Variants in NOS1AP observed in about 807,000 individuals in gnomAD.
NOS1AP encodes the protein carboxyl-terminal PDZ ligand of neuronal nitric oxide synthase protein.
In NOS1AP, 21 loss-of-function variants were observed where a neutral mutation model predicts 56.2. The ratio of observed to expected loss-of-function variants is 0.37; its 90% CI spans 0.26 to 0.54. The LOEUF is 0.54. Ranked by LOEUF, NOS1AP falls within the 20% of genes least tolerant of loss-of-function variation. The pLI is 0.84. For missense variants in NOS1AP, 522 were observed against 657.8 expected (o/e 0.79, Z 2.26); for synonymous variants, 270 against 274.6 (o/e 0.98, Z 0.17).
intron 2 of NOS1AP, among the ~76,000 whole-genome samples, chr1:162,265,011 C>T (rs559149919): frequency 2.3e-3 from 355 of 151,676 alleles, no homozygotes; most frequent in African/African-American, 8.2e-3. Context: ...GACGGGGTTT[C>T]ACCATATTGA....
intron 2 of NOS1AP, among the ~76,000 whole-genome samples, chr1:162,238,020 A>T (rs1489562486): frequency 6.6e-6 from 1 of 152,166 alleles, no homozygotes; most frequent in East Asian, 1.9e-4. Context: ...GGCCCCAGTC[A>T]TCATGAGCCA....
chr1:162,340,782 G>T (rs1657085139), intron 5 of NOS1AP, among the ~76,000 whole-genome samples: 1 of 152,180 alleles, frequency 6.6e-6, no homozygotes, highest in South Asian at 2.1e-4. Context: ...GTAGAGGTTA[G>T]GGTCAGCTGC....
intron 2 of NOS1AP, among the ~76,000 whole-genome samples, chr1:162,213,844 T>G (rs1283521111): frequency 1.3e-5 from 2 of 152,264 alleles, no homozygotes; most frequent in Non-Finnish European, 2.9e-5. Context: ...CCTGTTGCAA[T>G]GAAGCTTGGT....
At chr1:162,141,615 T>G (rs1013710383) in intron 1 of NOS1AP, among the ~76,000 whole-genome samples, 2 of 152,248 alleles carry the variant, frequency 1.3e-5, no homozygotes, top group Admixed American at 1.3e-4. Flanking sequence ...CTGATCGCCC[T>G]TGTGTACTCT....
chr1:162,279,796 C>G (rs1398986329), intron 2 of NOS1AP, among the ~76,000 whole-genome samples: 1 of 152,144 alleles, frequency 6.6e-6, no homozygotes, highest in Non-Finnish European at 1.5e-5. Context: ...TTTCCTGGAG[C>G]CATGATTCTG....
At chr1:162,080,961 A>AC (rs1327811305) in intron 1 of NOS1AP, among the ~76,000 whole-genome samples, 2 of 152,188 alleles carry the variant, frequency 1.3e-5, no homozygotes. Flanking sequence ...GAGGCAGAGT[A>AC]ACTTGCTCAT....
chr1:162,252,390 G>A (rs1653894478), intron 2 of NOS1AP, among the ~76,000 whole-genome samples: 1 of 152,152 alleles, frequency 6.6e-6, no homozygotes, highest in Non-Finnish European at 1.5e-5. Context: ...ATTGGTGGAA[G>A]GAAAGGGGAG....
At chr1:162,108,159 G>A (rs1344149604) in intron 1 of NOS1AP, among the ~76,000 whole-genome samples, 2 of 152,102 alleles carry the variant, frequency 1.3e-5, no homozygotes, top group African/African-American at 2.4e-5. Context: ...AAATAACCAG[G>A]GCTCTTTGAA....
intron 2 of NOS1AP, among the ~76,000 whole-genome samples, chr1:162,158,775 A>G (rs1306090193): frequency 6.6e-6 from 1 of 152,136 alleles, no homozygotes; most frequent in Non-Finnish European, 1.5e-5. Flanking sequence ...CCCAGACAAG[A>G]AGGAAGCTTA....
intron 2 of NOS1AP, among the ~76,000 whole-genome samples, chr1:162,210,579 T>A (rs1217844754): frequency 6.6e-6 from 1 of 152,212 alleles, no homozygotes; most frequent in Non-Finnish European, 1.5e-5. Context: ...TGACAGCATT[T>A]TATAGGCTCC....
At chr1:162,254,171 C>T (rs531523073) in intron 2 of NOS1AP, among the ~76,000 whole-genome samples, 2 of 152,196 alleles carry the variant, frequency 1.3e-5, no homozygotes, top group African/African-American at 2.4e-5. Context: ...CAGCATCTCG[C>T]CCTGGGTCTT....
At chr1:162,171,947 C>T (rs752959023) in intron 2 of NOS1AP, among the ~76,000 whole-genome samples, 1 of 152,250 alleles carries the variant, frequency 6.6e-6, no homozygotes, top group African/African-American at 2.4e-5. Context: ...CACCTTAACC[C>T]GTTAAATGGA....
At chr1:162,194,393 C>G (rs1462017258) in intron 2 of NOS1AP, among the ~76,000 whole-genome samples, 4 of 152,062 alleles carry the variant, frequency 2.6e-5, no homozygotes, top group Admixed American at 2.0e-4. Context: ...GTTTGGGAAC[C>G]CCTCTCTCTG....
At position 162,134,485 on chromosome 1, in the gene NOS1AP, T is replaced by TTAA. The variant is rs1553258136; in HGVS notation, c.106-19920_106-19919insTAA. On this transcript the variant is annotated intron_variant, in intron 1 of 9. Coordinates refer to ENST00000361897, the MANE Select transcript of NOS1AP (RefSeq NM_014697.3). ...TGGAGTGACAGAGGGAGACTTTGTC[T>TTAA]AAAAAAAAAAAAAAAAAAAAGTAAA... Among the ~76,000 whole-genome samples, 12 of 92,692 alleles carry TTAA rather than the reference T, an allele frequency of 1.3e-4. 1 individual carries two copies. Among genetic ancestry groups the TTAA allele is most frequent in the Non-Finnish European group, 2.1e-4 (8 of 37,952 alleles). 60.8% of individuals were successfully genotyped at this position (92,692 alleles called of 152,430 possible). A position where few individuals can be genotyped will look rare whatever the true frequency, so the allele number is the denominator to read the frequency against.
At chr1:162,185,071 C>T (rs1651382878) in intron 2 of NOS1AP, among the ~76,000 whole-genome samples, 1 of 152,148 alleles carries the variant, frequency 6.6e-6, no homozygotes, top group Non-Finnish European at 1.5e-5. Context: ...TGGTATTCCC[C>T]AGCTCGTGGC....
chr1:162,205,906 C>T (rs1652146846), intron 2 of NOS1AP, among the ~76,000 whole-genome samples: 1 of 152,154 alleles, frequency 6.6e-6, no homozygotes, highest in Non-Finnish European at 1.5e-5. Flanking sequence ...CTGAAGTTGG[C>T]TGAGCCTTGT....
Position 162,092,198 on chromosome 1 carries a change from G to T in NOS1AP, c.105+21916G>T, listed in dbSNP as rs563664903. 4.6e-5 allele frequency among the ~76,000 whole-genome samples: 7 copies of T among 152,220 alleles called. No homozygotes were observed. The South Asian group carries it at 1.2e-3, about 27-fold the overall frequency. ...TAAACAGACTATTGTAAAACGAAGA[G>T]GACTTTTATAGAGTAAATTGAAGGG... On this transcript the variant is annotated intron_variant, in intron 1 of 9. Coordinates refer to ENST00000361897, the MANE Select transcript of NOS1AP (RefSeq NM_014697.3).
At chr1:162,334,978 A>T (rs906670648) in intron 5 of NOS1AP, among the ~76,000 whole-genome samples, 9 of 152,186 alleles carry the variant, frequency 5.9e-5, no homozygotes, top group African/African-American at 2.2e-4. Context: ...TTGCTATCAG[A>T]TCTAACATAG....
chr1:162,140,946 G>A (rs1649211290), intron 1 of NOS1AP, among the ~76,000 whole-genome samples: 1 of 152,122 alleles, frequency 6.6e-6, no homozygotes, highest in South Asian at 2.1e-4. Flanking sequence ...CTTTTGAGAA[G>A]TGTCTATTCA....
Sources: allele counts gnomAD v4.1 joint callset (sites outside exome capture counted in the v4.1 genomes callset), GRCh38; gene constraint gnomAD v4.1.1; transcripts MANE v1.5; gene names NCBI Gene and HGNC (gene_info 2026-07-23, HGNC 2026-07-21).